SMARCC1: variants seen among roughly 807,000 people sequenced by gnomAD.
The protein encoded by SMARCC1 is SWI/SNF related BAF chromatin remodeling complex subunit C1.
A neutral mutation model predicts 147.4 loss-of-function variants in SMARCC1; 43 were observed. That is an observed-to-expected ratio of 0.29 (90% CI 0.23 to 0.38). The LOEUF is 0.38. Among genes scored for constraint, SMARCC1 ranks in the 10% least tolerant of loss-of-function variants. The probability of loss-of-function intolerance (pLI) is 1.00; values close to 1 mark genes in which losing one functional copy is unlikely to be tolerated. For missense variants in SMARCC1, 1,119 were observed against 1,381.1 expected, an observed-to-expected ratio of 0.81 and a Z score of 3.01; for synonymous variants, 495 against 484.4, an observed-to-expected ratio of 1.02 and a Z score of -0.29.
chr3:47,597,943 CATAT>C (rs2032317326), intron 26 of SMARCC1, among the ~76,000 whole-genome samples: 1 of 152,122 alleles, frequency 6.6e-6, no homozygotes, highest in African/African-American at 2.4e-5. Context: ...GCTGGGCAGC[CATAT>C]AGTGAAATAC....
rs1302067392 is a variant in SMARCC1 at position 47,759,663 on chromosome 3, A to AGT, written c.315+13152_315+13153dup. Among the ~76,000 whole-genome samples, 4 of 142,174 alleles carry AGT rather than the reference A, an allele frequency of 2.8e-5. No homozygotes were observed. The East Asian group carries it at 8.8e-4, about 31-fold the overall frequency. The allele number at this position is 142,174 out of a possible 152,430, so 93.3% of individuals were successfully genotyped here. Reference sequence around the variant, plus strand: ...AAAAAGAAAAAATTTAGCCAGGCGCAGTGGCTCATGCCTGTAATCCCAGCA... The same window carrying AGT: ...AAAAAGAAAAAATTTAGCCAGGCGCAGTGTGGCTCATGCCTGTAATCCCAGCA... On this transcript the variant is annotated intron_variant, in intron 2 of 27. Coordinates refer to ENST00000254480, the MANE Select transcript of SMARCC1 (RefSeq NM_003074.4).
intron 16 of SMARCC1, 56 bp downstream of exon 16, chr3:47,678,142 G>T: frequency 1.0e-6 from 1 of 981,942 alleles, no homozygotes; most frequent in Non-Finnish European, 1.6e-6. Flanking sequence ...ACATTAGACA[G>T]CATGCATAAG....
At chr3:47,741,470 G>C (rs964665830) in intron 3 of SMARCC1, among the ~76,000 whole-genome samples, 44 of 147,260 alleles carry the variant, frequency 3.0e-4, no homozygotes, top group African/African-American at 1.1e-3. Context: ...ATCTAAACTT[G>C]ACCCTTAAAC....
intron 2 of SMARCC1, among the ~76,000 whole-genome samples, chr3:47,759,552 C>G (rs1335259174): frequency 9.4e-6 from 1 of 106,490 alleles, no homozygotes; most frequent in Non-Finnish European, 2.0e-5. Context: ...ACCCGGGAGG[C>G]GGAGATTGCA....
At chr3:47,680,604 G>A in intron 14 of SMARCC1, 96 bp from the exon 15 acceptor site, 1 of 676,282 alleles carries the variant, frequency 1.5e-6, no homozygotes, top group East Asian at 4.0e-5. Flanking sequence ...CTGGAGTGCA[G>A]TGGCGGGATC....
At chr3:47,773,788 GC>G (rs771029805) in intron 1 of SMARCC1, among the ~76,000 whole-genome samples, 39 of 151,678 alleles carry the variant, frequency 2.6e-4, no homozygotes, top group Non-Finnish European at 5.0e-4. Flanking sequence ...CAACCACCAT[GC>G]CCGGCTAATT....
intron 21 of SMARCC1, among the ~76,000 whole-genome samples, chr3:47,657,084 T>C (rs2033272484): frequency 6.6e-6 from 1 of 152,062 alleles, no homozygotes; most frequent in African/African-American, 2.4e-5. Flanking sequence ...GTAACAATTA[T>C]AAACATATAA....
chr3:47,744,803 G>A (rs999644034), intron 3 of SMARCC1, among the ~76,000 whole-genome samples: 2 of 152,086 alleles, frequency 1.3e-5, no homozygotes, highest in Admixed American at 6.6e-5. Context: ...TACCAAGAGA[G>A]ACAGCTAGAA....
chr3:47,695,998 C>T (rs1199114351), intron 11 of SMARCC1, among the ~76,000 whole-genome samples: 4 of 136,494 alleles, frequency 2.9e-5, no homozygotes, highest in African/African-American at 1.1e-4. Context: ...ACTCAAGAGG[C>T]GGAGGTTGCA....
At chr3:47,650,827 A>T (rs188780555) in intron 21 of SMARCC1, among the ~76,000 whole-genome samples, 9 of 151,200 alleles carry the variant, frequency 6.0e-5, no homozygotes, top group African/African-American at 1.9e-4. Context: ...AAAAAAAAAT[A>T]AAAATAAATA....
chr3:47,661,118 T>C (rs2033340155), intron 21 of SMARCC1, among the ~76,000 whole-genome samples, 176 bp downstream of exon 21: 1 of 152,220 alleles, frequency 6.6e-6, no homozygotes, highest in South Asian at 2.1e-4. Context: ...AATTTTTTAG[T>C]TCTAGCTACC....
At chr3:47,740,666 A>C (rs2106834673) in intron 3 of SMARCC1, among the ~76,000 whole-genome samples, 1 of 152,118 alleles carries the variant, frequency 6.6e-6, no homozygotes, top group Admixed American at 6.6e-5. Flanking sequence ...TCCTGTGCAC[A>C]ATGCTGATAC....
chr3:47,681,665 C>G (rs2033645996), intron 14 of SMARCC1, among the ~76,000 whole-genome samples: 1 of 152,070 alleles, frequency 6.6e-6, no homozygotes, highest in African/African-American at 2.4e-5. Context: ...AAATTATTCA[C>G]TTTTTGAATA....
intron 25 of SMARCC1, among the ~76,000 whole-genome samples, chr3:47,619,676 T>C (rs1480475959): frequency 6.6e-6 from 1 of 152,100 alleles, no homozygotes; most frequent in Admixed American, 6.6e-5. Context: ...AGACAATCAA[T>C]GGTGTGAGAG....
intron 2 of SMARCC1, among the ~76,000 whole-genome samples, chr3:47,761,793 C>T (rs1357531259): frequency 6.6e-6 from 1 of 152,142 alleles, no homozygotes; most frequent in African/African-American, 2.4e-5. Flanking sequence ...TTGCCAAATT[C>T]AATAGTTTTC....
intron 9 of SMARCC1, among the ~76,000 whole-genome samples, chr3:47,707,613 C>A (rs753706737): frequency 3.9e-5 from 6 of 152,082 alleles, no homozygotes; most frequent in Admixed American, 6.6e-5. Flanking sequence ...GTGGCTCACA[C>A]CTGTAATCCC....
At chr3:47,602,464 A>T (rs955415190) in intron 26 of SMARCC1, among the ~76,000 whole-genome samples, 6 of 151,882 alleles carry the variant, frequency 4.0e-5, no homozygotes, top group African/African-American at 9.6e-5. Context: ...CACCAAGCAA[A>T]TTTTTTTTAT....
chr3:47,729,032 T>C lies in SMARCC1; in HGVS notation c.639A>G (p.Gln213=). Residue 213 remains glutamine, a synonymous_variant, in exon 6 of 28, where the codon CAA becomes CAG. Transcript: ENST00000254480. Reference sequence around the variant, plus strand: ...AACGCAAAACTAACTTACCATCGTCTTGTGAGGAAGAATATGGGTAAATGT... The same window carrying C: ...AACGCAAAACTAACTTACCATCGTCCTGTGAGGAAGAATATGGGTAAATGT... ...SHHIYPYSSS[Q]DDEEWLRPVM... The C allele has an allele frequency of 6.2e-7, 1 of 1,608,902 alleles. No homozygotes were observed. Among genetic ancestry groups the C allele is most frequent in the Non-Finnish European group, 8.5e-7 (1 of 1,176,072 alleles).
intron 25 of SMARCC1, among the ~76,000 whole-genome samples, chr3:47,611,106 T>C (rs1299285873): frequency 1.3e-5 from 2 of 152,240 alleles, no homozygotes; most frequent in Non-Finnish European, 2.9e-5. Flanking sequence ...AAGCCTATCC[T>C]AAATTAATTT....
Sources: gnomAD v4.1 joint callset for allele counts (sites outside exome capture counted in the v4.1 genomes callset) on GRCh38, gnomAD v4.1.1 for gene constraint, MANE v1.5 for transcripts, NCBI Gene and HGNC (gene_info 2026-07-23, HGNC 2026-07-21) for gene names.